Variants in CNTN5 observed in about 807,000 individuals in gnomAD.
The protein encoded by CNTN5 is contactin-5.
CNTN5 carries 77 observed loss-of-function variants against 129.1 expected under a neutral mutation model. The observed-to-expected ratio is 0.60, with a 90% confidence interval of 0.50 to 0.72. The LOEUF (loss-of-function observed/expected upper bound fraction) is 0.72. Among genes scored for constraint, CNTN5 ranks in the 30% least tolerant of loss-of-function variants. The pLI is 0.00. For missense variants in CNTN5, 1,478 were observed against 1,328.8 expected, an observed-to-expected ratio of 1.11 and a Z score of -1.75; for synonymous variants, 509 against 465.6, an observed-to-expected ratio of 1.09 and a Z score of -1.20.
intron 3 of CNTN5, among the ~76,000 whole-genome samples, chr11:99,682,656 A>T (rs1953608957): frequency 6.6e-6 from 1 of 152,016 alleles, no homozygotes; most frequent in South Asian, 2.1e-4. Context: ...CTATTACAAT[A>T]AAAAGATTTT....
chr11:99,739,263 A>C (rs962942724), intron 3 of CNTN5, among the ~76,000 whole-genome samples: 1 of 152,160 alleles, frequency 6.6e-6, no homozygotes, highest in African/African-American at 2.4e-5. Context: ...CCCGTCTTAA[A>C]ATATGGGTAG....
chr11:100,302,294 T>G (rs1438068016), intron 20 of CNTN5, among the ~76,000 whole-genome samples: 2 of 151,548 alleles, frequency 1.3e-5, no homozygotes, highest in Non-Finnish European at 3.0e-5. Flanking sequence ...CAGTGCAGGT[T>G]TCTCCCCTCA....
chr11:100,315,606 G>T (rs1463650521), intron 21 of CNTN5, among the ~76,000 whole-genome samples: 1 of 152,004 alleles, frequency 6.6e-6, no homozygotes, highest in Admixed American at 6.6e-5. Flanking sequence ...ACTGTACAAA[G>T]AAAAATGGTG....
intron 1 of CNTN5, among the ~76,000 whole-genome samples, chr11:99,118,534 G>C (rs2135400595): frequency 6.6e-6 from 1 of 151,972 alleles, no homozygotes; most frequent in African/African-American, 2.4e-5. Context: ...GGATTCCCTT[G>C]AATTTGTGCA....
At chr11:100,018,604 T>C (rs949738689) in intron 9 of CNTN5, among the ~76,000 whole-genome samples, 1 of 152,016 alleles carries the variant, frequency 6.6e-6, no homozygotes, top group African/African-American at 2.4e-5. Flanking sequence ...ATGTTTCAGC[T>C]ATTACCATAA....
At chr11:99,945,026 A>G (rs1393859655) in intron 7 of CNTN5, among the ~76,000 whole-genome samples, 1 of 152,104 alleles carries the variant, frequency 6.6e-6, no homozygotes, top group Non-Finnish European at 1.5e-5. Flanking sequence ...GAATCGCCCA[A>G]TGTAAAATGA....
intron 1 of CNTN5, among the ~76,000 whole-genome samples, chr11:99,148,533 T>C (rs936584998): frequency 3.3e-5 from 5 of 152,184 alleles, no homozygotes; most frequent in African/African-American, 9.7e-5. Flanking sequence ...GGGCATGGTA[T>C]GGTAATGAAT....
intron 3 of CNTN5, among the ~76,000 whole-genome samples, chr11:99,619,986 A>G (rs1397321983): frequency 7.1e-6 from 1 of 141,314 alleles, no homozygotes; most frequent in African/African-American, 2.6e-5. Flanking sequence ...AGATCGTGCC[A>G]CTGCACTCCA....
intron 3 of CNTN5, among the ~76,000 whole-genome samples, chr11:99,691,952 G>A (rs866373875): frequency 5.9e-5 from 9 of 152,060 alleles, no homozygotes; most frequent in South Asian, 4.1e-4. Context: ...TATATATTTA[G>A]GATAGTTAGT....
chr11:100,120,798 C>T (rs1353468708), intron 13 of CNTN5, among the ~76,000 whole-genome samples: 1 of 151,282 alleles, frequency 6.6e-6, no homozygotes, highest in Non-Finnish European at 1.5e-5. Context: ...TAAATATCCC[C>T]TATTACTATT....
At chr11:99,832,713 T>C (rs1947182453) in intron 4 of CNTN5, among the ~76,000 whole-genome samples, 2 of 152,180 alleles carry the variant, frequency 1.3e-5, no homozygotes, top group Admixed American at 1.3e-4. Context: ...AATTTCTAGT[T>C]AACACTTCAA....
At chr11:99,256,953 G>A (rs774840670) in intron 1 of CNTN5, among the ~76,000 whole-genome samples, 5 of 151,998 alleles carry the variant, frequency 3.3e-5, no homozygotes, top group Non-Finnish European at 7.4e-5. Flanking sequence ...TAAAAATAAG[G>A]TAATGACATT....
chr11:99,771,245 C>G (rs943117469), intron 3 of CNTN5, among the ~76,000 whole-genome samples: 1 of 151,964 alleles, frequency 6.6e-6, no homozygotes, highest in African/African-American at 2.4e-5. Context: ...GAGAAAAAGT[C>G]AGTATGCTGA....
chr11:100,005,348 T>C (rs75850033), intron 9 of CNTN5, among the ~76,000 whole-genome samples: 462 of 152,274 alleles, frequency 3.0e-3, no homozygotes, highest in Non-Finnish European at 4.1e-3. Context: ...CAAAATTACA[T>C]GCTATACTTG....
chr11:99,053,207 G>T (rs903393472), intron 1 of CNTN5, among the ~76,000 whole-genome samples: 1 of 151,822 alleles, frequency 6.6e-6, no homozygotes, highest in South Asian at 2.1e-4. Flanking sequence ...GATTATTTCT[G>T]TTTAGAATCT....
At chr11:100,220,799 G>C (rs937507598) in intron 15 of CNTN5, among the ~76,000 whole-genome samples, 5 of 152,166 alleles carry the variant, frequency 3.3e-5, no homozygotes, top group Non-Finnish European at 2.9e-5. Flanking sequence ...ACACAATTCT[G>C]TCATTCTAGA....
At chr11:99,351,188 A>G (rs770464636) in intron 2 of CNTN5, among the ~76,000 whole-genome samples, 7 of 152,054 alleles carry the variant, frequency 4.6e-5, no homozygotes, top group Non-Finnish European at 1.0e-4. Context: ...GGTCCATTTA[A>G]CTCCCTGTTA....
chr11:99,071,633 T>A (rs1000332949), intron 1 of CNTN5, among the ~76,000 whole-genome samples: 1 of 152,158 alleles, frequency 6.6e-6, no homozygotes, highest in African/African-American at 2.4e-5. Context: ...ATAAGCCATG[T>A]ACTTCATATA....
At chr11:99,671,672 T>C (rs1038782165) in intron 3 of CNTN5, among the ~76,000 whole-genome samples, 5 of 152,224 alleles carry the variant, frequency 3.3e-5, no homozygotes, top group African/African-American at 1.2e-4. Flanking sequence ...GCTGAAAATA[T>C]GTATTACTTA....
Sources: gnomAD v4.1 joint callset for allele counts (sites outside exome capture counted in the v4.1 genomes callset) on GRCh38, gnomAD v4.1.1 for gene constraint, MANE v1.5 for transcripts, NCBI Gene and HGNC (gene_info 2026-07-23, HGNC 2026-07-21) for gene names.